BATF3: variants seen among roughly 807,000 people sequenced by gnomAD.
BATF3 encodes basic leucine zipper ATF-like transcription factor 3.
A neutral mutation model predicts 16.1 loss-of-function variants in BATF3; 8 were observed. The ratio of observed to expected loss-of-function variants is 0.50; its 90% CI spans 0.29 to 0.90. The LOEUF is 0.90. Among genes scored for constraint, BATF3 ranks in the 40% least tolerant of loss-of-function variants. The pLI, the probability that BATF3 is intolerant of heterozygous loss-of-function variation, is 0.08. For synonymous variants in BATF3, 74 were observed against 72.7 expected (o/e 1.02, Z -0.09); for missense variants, 139 against 167.0 (o/e 0.83, Z 0.92).
rs1331565032 is a variant in BATF3 at position 212,686,799 on chromosome 1, G to A, written c.376C>T (p.Pro126Ser). The A allele has an allele frequency of 6.2e-7, 1 of 1,611,686 alleles. No individual in the cohort carries two copies. The highest frequency in any genetic ancestry group is 1.1e-5 in the South Asian group (1 of 91,052). ...PRPDPVAGCL[P>S]R The stretch of plus-strand genomic sequence containing the variant: ...GAGGAGTGTCCCCGGCTTCATCGGG[G>A]CAAGCAGCCGGCCACAGGGTCCGGC... Residue 126 changes from proline to serine, a missense_variant, in exon 3 of 3, where the codon CCC becomes TCC. Coordinates refer to ENST00000243440, the MANE Select transcript of BATF3 (RefSeq NM_018664.3).
At chr1:212,694,391 G>A (rs1012955898) in intron 2 of BATF3, among the ~76,000 whole-genome samples, 1 of 152,042 alleles carries the variant, frequency 6.6e-6, no homozygotes, top group African/African-American at 2.4e-5. Context: ...GCTTCCCACC[G>A]ACAGGCAAGG....
intron 2 of BATF3, among the ~76,000 whole-genome samples, chr1:212,691,445 C>G (rs1207678376): frequency 6.6e-6 from 1 of 152,154 alleles, no homozygotes; most frequent in Non-Finnish European, 1.5e-5. Flanking sequence ...TCCAGATTTC[C>G]CCATGATGGT....
chr1:212,690,742 A>G (rs1656981920), intron 2 of BATF3, among the ~76,000 whole-genome samples: 1 of 152,200 alleles, frequency 6.6e-6, no homozygotes, highest in Non-Finnish European at 1.5e-5. Context: ...ATCCTTTGCC[A>G]TGGGAGGGTT....
chr1:212,693,861 A>G (rs1657063371), intron 2 of BATF3, among the ~76,000 whole-genome samples: 1 of 152,244 alleles, frequency 6.6e-6, no homozygotes, highest in South Asian at 2.1e-4. Context: ...TGTGCTAGGC[A>G]GCATAATCGA....
At chr1:212,690,645 C>T (rs1261461008) in intron 2 of BATF3, among the ~76,000 whole-genome samples, 1 of 152,108 alleles carries the variant, frequency 6.6e-6, no homozygotes, top group African/African-American at 2.4e-5. Context: ...CTGGAGTAAA[C>T]GCAAACAAAA....
intron 1 of BATF3, chr1:212,697,641 T>G (rs1011568409): frequency 6.6e-6 from 1 of 152,552 alleles, no homozygotes; most frequent in Non-Finnish European, 1.5e-5. Flanking sequence ...TAAACCCCAC[T>G]GACAGTGTAC....
rs1177192855 is a variant in BATF3 at position 212,689,359 on chromosome 1, G to C, written c.196-2380C>G. Reference sequence around the variant, plus strand: ...ACCAAGGGGTCTGGCGGGGCTGCCTGTAGGGTCTATCTGAGCCATTCCCCA... The same window carrying C: ...ACCAAGGGGTCTGGCGGGGCTGCCTCTAGGGTCTATCTGAGCCATTCCCCA... On this transcript the variant is annotated intron_variant, in intron 2 of 2. Transcript: ENST00000243440. This position sits in a 1 kb window ranked among gnomAD's most constrained non-coding sequence, Gnocchi z 4.6. Among the ~76,000 whole-genome samples, 1 of 152,122 alleles carries C rather than the reference G, an allele frequency of 6.6e-6. No individual in the cohort carries two copies. Among genetic ancestry groups the C allele is most frequent in the African/African-American group, 2.4e-5 (1 of 41,420 alleles).
At position 212,696,986 on chromosome 1, in the gene BATF3, G is replaced by A; in HGVS notation, c.170C>T (p.Thr57Ile). 1 of 1,614,170 alleles carries A rather than the reference G, an allele frequency of 6.2e-7. No homozygotes were observed. Among genetic ancestry groups the A allele is most frequent in the Non-Finnish European group, 8.5e-7 (1 of 1,180,020 alleles). The change falls in exon 2 of 3, where the codon ACC becomes ATC. Residue 57 changes from threonine to isoleucine, a missense_variant. Thr to Ile is a moderately conservative substitution (Grantham distance 89). Transcript: ENST00000243440. ...VAAQRSRKKQ[T>I]QKADKLHEEY... is the part of the protein sequence containing the mutation. The stretch of plus-strand genomic sequence containing the variant: ...CTCATGGAGCTTGTCAGCCTTCTGG[G>A]TCTGCTTCTTCCGACTTCTCTGAGC...
At chr1:212,687,386 C>G (rs113296853) in intron 2 of BATF3, 104 of 179,410 alleles carry the variant, frequency 5.8e-4, no homozygotes, top group Middle Eastern at 2.7e-3. Context: ...AGAACAGTAC[C>G]TGGAACATAA....
rs1656861856 is a variant in BATF3 at position 212,686,884 on chromosome 1, C to T, written c.291G>A (p.Glu97=). The change falls in exon 3 of 3, where the codon GAG becomes GAA. Residue 97 remains glutamate, a synonymous_variant. Coordinates refer to ENST00000243440, the MANE Select transcript of BATF3 (RefSeq NM_018664.3). Reference sequence around the variant, plus strand: ...GCAGCAGCGGGCACATCTTCTCGTGCTCCTTCAGTGCCTCTGTCAGGTGCT... The same window carrying T: ...GCAGCAGCGGGCACATCTTCTCGTGTTCCTTCAGTGCCTCTGTCAGGTGCT... ...ELKHLTEALK[E]HEKMCPLLLC... is the part of the protein sequence containing the mutation. 1 of 1,614,110 alleles carries T rather than the reference C, an allele frequency of 6.2e-7. No individual in the cohort carries two copies. The highest frequency in any genetic ancestry group is 1.3e-5 in the African/African-American group (1 of 74,948).
At chr1:212,688,321 C>G (rs1656911861) in intron 2 of BATF3, among the ~76,000 whole-genome samples, 1 of 152,184 alleles carries the variant, frequency 6.6e-6, no homozygotes, top group Admixed American at 6.5e-5. Flanking sequence ...AAATGTTGCT[C>G]CCAGGATGCA....
At chr1:212,687,992 AAAGAAAGGAAGGAAGGAAGGAAGGAAGG>A (rs56057190) in intron 2 of BATF3, among the ~76,000 whole-genome samples, 14,744 of 129,932 alleles carry the variant, frequency 0.11, 926 homozygotes, top group Middle Eastern at 0.17. Context: ...AGAAAGAAAG[AAAGAAAGGAAGGAAGGAAGGAAGGAAGG>A]AAGGAAGGAA....
intron 1 of BATF3, among the ~76,000 whole-genome samples, chr1:212,698,950 A>C (rs1410609470): frequency 6.6e-6 from 1 of 152,190 alleles, no homozygotes; most frequent in Non-Finnish European, 1.5e-5. Flanking sequence ...CCAAACTCAG[A>C]TCTCTGTGAC....
chr1:212,699,575 G>A lies in BATF3; in HGVS notation c.90+98C>T, dbSNP rs75153298. On this transcript the variant is annotated intron_variant, in intron 1 of 2. Coordinates refer to ENST00000243440, the MANE Select transcript of BATF3 (RefSeq NM_018664.3). The surrounding 1 kb of genome is among the most constrained non-coding windows in gnomAD (Gnocchi z 4.4). Reference sequence around the variant, plus strand: ...CCGCACCCGCCACCTCTGCACCTCCGCAGTCACCACCACGGAACTCCAGCA... The same window carrying A: ...CCGCACCCGCCACCTCTGCACCTCCACAGTCACCACCACGGAACTCCAGCA... The A allele has an allele frequency of 2.3e-5, 23 of 1,008,224 alleles. No homozygotes were observed. Among genetic ancestry groups the A allele is most frequent in the Non-Finnish European group, 2.8e-5 (22 of 784,992 alleles). The allele number at this position is 1,008,224 out of a possible 1,614,324, so 62.5% of individuals were successfully genotyped here. A position where few individuals can be genotyped will look rare whatever the true frequency, so the allele number is the denominator to read the frequency against.
In BATF3 at chr1:212,699,635, CG is replaced by C; in HGVS notation, c.90+37del. On this transcript the variant is annotated intron_variant, in intron 1 of 2. Transcript: ENST00000243440. This position sits in a 1 kb window ranked among gnomAD's most constrained non-coding sequence, Gnocchi z 4.4. Reference sequence around the variant, plus strand: ...TCGCCCCCCGCGGCGCGCCGGTCCCCGCACCCCACGGCCCTCCCTGAGCCTC... The same window carrying C: ...TCGCCCCCCGCGGCGCGCCGGTCCCCCACCCCACGGCCCTCCCTGAGCCTC... 1 of 1,271,690 alleles carries C rather than the reference CG, an allele frequency of 7.9e-7. No individual in the cohort carries two copies. Among genetic ancestry groups the C allele is most frequent in the Non-Finnish European group, 9.9e-7 (1 of 1,006,820 alleles). 78.8% of individuals were successfully genotyped at this position (1,271,690 alleles called of 1,614,324 possible).
intron 2 of BATF3, among the ~76,000 whole-genome samples, chr1:212,691,283 G>C (rs933044826): frequency 6.6e-6 from 1 of 152,184 alleles, no homozygotes; most frequent in African/African-American, 2.4e-5. Flanking sequence ...GCCACACACA[G>C]ACCCCATTTC....
chr1:212,695,925 G>A (rs951874975), intron 2 of BATF3, among the ~76,000 whole-genome samples: 2 of 152,172 alleles, frequency 1.3e-5, no homozygotes, highest in South Asian at 4.1e-4. Flanking sequence ...GCAGTTTGAA[G>A]ACAATGAGAA....
chr1:212,687,163 A>C (rs981879414), intron 2 of BATF3, among the ~76,000 whole-genome samples, 184 bp from the exon 3 acceptor site: 92 of 152,144 alleles, frequency 6.0e-4, no homozygotes, highest in African/African-American at 2.1e-3. Flanking sequence ...GGGAGAAACA[A>C]TTTATTGAGG....
intron 2 of BATF3, among the ~76,000 whole-genome samples, chr1:212,690,668 A>G (rs1265501525): frequency 5.9e-5 from 9 of 152,212 alleles, no homozygotes; most frequent in Non-Finnish European, 1.5e-5. Flanking sequence ...CAAGCAAAGA[A>G]CATTAAACCC....
Sources: allele counts gnomAD v4.1 joint callset (sites outside exome capture counted in the v4.1 genomes callset), GRCh38; gene constraint gnomAD v4.1.1; non-coding constraint Gnocchi (gnomAD v3.1); transcripts MANE v1.5; gene names NCBI Gene and HGNC (gene_info 2026-07-23, HGNC 2026-07-21).